HMGB1: variants seen among roughly 807,000 people sequenced by gnomAD.
HMGB1 encodes the protein high mobility group protein B1.
For missense variants in HMGB1, 79 were observed against 253.5 expected, an observed-to-expected ratio of 0.31 and a Z score of 4.67; for synonymous variants, 81 against 84.0, an observed-to-expected ratio of 0.96 and a Z score of 0.19.
At chr13:30,546,755 G>C (rs558733792) in intron 1 of HMGB1, among the ~76,000 whole-genome samples, 1 of 152,068 alleles carries the variant, frequency 6.6e-6, no homozygotes, top group Non-Finnish European at 1.5e-5. Context: ...AAAGTGCTGG[G>C]ATTACAGGCA....
In HMGB1 at chr13:30,559,940, T is replaced by C. The variant is rs1156311011; in HGVS notation, c.-15+56731A>G. 6.6e-6 allele frequency among the ~76,000 whole-genome samples: 1 copy of C among 152,194 alleles called. No homozygotes were observed. Among genetic ancestry groups the C allele is most frequent in the Non-Finnish European group, 1.5e-5 (1 of 68,040 alleles). ...AGGAAAGGTAGTACAGTGAGATGGA[T>C]GATGCCTTCACATGACTCAGATGTC... is the stretch of plus-strand genomic sequence containing the variant. On this transcript the variant is annotated intron_variant, in intron 1 of 4. Coordinates refer to the HMGB1 transcript ENST00000405805. The surrounding 1 kb of genome is among the most constrained non-coding windows in gnomAD (Gnocchi z 6.6).
chr13:30,507,027 C>CT, intron 1 of HMGB1, among the ~76,000 whole-genome samples: 1 of 152,226 alleles, frequency 6.6e-6, no homozygotes, highest in East Asian at 1.9e-4. Context: ...GATCAGGGTG[C>CT]TTGCCTCCTT....
chr13:30,495,096 C>T (rs1396956485), intron 1 of HMGB1, among the ~76,000 whole-genome samples: 2 of 152,140 alleles, frequency 1.3e-5, no homozygotes, highest in African/African-American at 4.8e-5. Flanking sequence ...TTGGGTCATC[C>T]CTAATTCATG....
chr13:30,538,451 A>ATTCTTTTTCTTTCT (rs1326538298), intron 1 of HMGB1, among the ~76,000 whole-genome samples: 4 of 90,612 alleles, frequency 4.4e-5, no homozygotes, highest in African/African-American at 1.7e-4. Context: ...AGTACTAGCA[A>ATTCTTTTTCTTTCT]TTCTTTCTTT....
rs578088614 is a variant in HMGB1, at chr13:30,599,359, T to C, written c.-15+17312A>G. On this transcript the variant is annotated intron_variant, in intron 1 of 4. Coordinates refer to the HMGB1 transcript ENST00000405805. The stretch of plus-strand genomic sequence containing the variant: ...GGCTCATGCCTGTAATCCCAGCTAC[T>C]TGGGAGACTGAGGCAGGAGAATCGC... Among the ~76,000 whole-genome samples, 6 of 152,214 alleles carry C rather than the reference T, an allele frequency of 3.9e-5. No homozygotes were observed. The South Asian group carries it at 6.2e-4, about 16-fold the overall frequency.
At chr13:30,593,087 A>G (rs1437592837) in intron 1 of HMGB1, among the ~76,000 whole-genome samples, 2 of 152,206 alleles carry the variant, frequency 1.3e-5, no homozygotes, top group African/African-American at 2.4e-5. Context: ...TTTTAATGCA[A>G]GAGAATAGGT....
chr13:30,464,165 C>T, intron 1 of HMGB1: 1 of 984,508 alleles, frequency 1.0e-6, no homozygotes, highest in Non-Finnish European at 1.2e-6. Context: ...AATCACCGTG[C>T]ACCGAAAGTT....
intron 1 of HMGB1, among the ~76,000 whole-genome samples, chr13:30,570,474 TC>T (rs1259851544): frequency 3.3e-5 from 5 of 152,256 alleles, no homozygotes; most frequent in African/African-American, 1.2e-4. Context: ...ATCTTTATGA[TC>T]GCTTAGCTTT....
At chr13:30,462,757 A>G (rs959837793) in intron 3 of HMGB1, 45 bp from the exon 4 acceptor site, 5 of 1,494,778 alleles carry the variant, frequency 3.3e-6, no homozygotes, top group Non-Finnish European at 3.7e-6. Flanking sequence ...ACAGATCACA[A>G]AAACAAATAC....
intron 1 of HMGB1, among the ~76,000 whole-genome samples, chr13:30,585,598 A>C (rs575814669): frequency 5.3e-5 from 8 of 152,060 alleles, no homozygotes; most frequent in Non-Finnish European, 1.0e-4. Context: ...GAATCGCTTG[A>C]ACCTGGGAGG....
At chr13:30,599,233 C>T (rs1347846389) in intron 1 of HMGB1, among the ~76,000 whole-genome samples, 1 of 152,178 alleles carries the variant, frequency 6.6e-6, no homozygotes, top group Non-Finnish European at 1.5e-5. Flanking sequence ...CTTTATGAGG[C>T]CAAGGTGGGC....
At chr13:30,586,519 G>A (rs928287589) in intron 1 of HMGB1, among the ~76,000 whole-genome samples, 4 of 114,694 alleles carry the variant, frequency 3.5e-5, no homozygotes, top group South Asian at 5.7e-4. Flanking sequence ...ATGGAGTTTC[G>A]CTCTGTTGCC....
intron 1 of HMGB1, chr13:30,464,734 C>T (rs1465066694): frequency 1.8e-6 from 1 of 548,770 alleles, no homozygotes; most frequent in Non-Finnish European, 2.3e-6. Context: ...CGAGGGCGAG[C>T]GCGAGCGAGA....
Position 30,462,366 on chromosome 13 carries a change from C to CA in HMGB1, c.471+171dup, listed in dbSNP as rs564206066. On this transcript the variant is annotated intron_variant, in intron 4 of 4. Transcript: ENST00000341423. ...TGTCTGAGTCTGATTACATTTTAGT[C>CA]AAAAAAACCCTAATTTATTTGGTCC... The CA allele has an allele frequency of 9.1e-4, 654 of 721,194 alleles. 4 individuals carry two copies. The highest frequency in any genetic ancestry group is 8.4e-3 in the African/African-American group (489 of 57,984). The allele number at this position is 721,194 out of a possible 1,614,324, so 44.7% of individuals were successfully genotyped here.
chr13:30,615,836 T>C (rs1164518210), intron 1 of HMGB1, among the ~76,000 whole-genome samples: 1 of 152,234 alleles, frequency 6.6e-6, no homozygotes, highest in Non-Finnish European at 1.5e-5. Flanking sequence ...ACAGAAGCAC[T>C]GAACTACTGC....
In HMGB1 at chr13:30,505,795, A is replaced by C. The variant is rs192439569; in HGVS notation, c.-14-42101T>G. Among the ~76,000 whole-genome samples, 173 of 152,294 alleles carry C rather than the reference A, an allele frequency of 1.1e-3. 2 individuals carry two copies. Among genetic ancestry groups the C allele is most frequent in the Non-Finnish European group, 2.1e-4 (14 of 68,036 alleles). On this transcript the variant is annotated intron_variant, in intron 1 of 4. Coordinates refer to the HMGB1 transcript ENST00000405805. ...TTACCTCAGTGCACACAATCACCTTAGAGCCAAGCATGCTTTTTGGATCCC... is the reference window on the plus strand; with the variant it reads ...TTACCTCAGTGCACACAATCACCTTCGAGCCAAGCATGCTTTTTGGATCCC...
chr13:30,568,195 CTG>C (rs375026404), intron 1 of HMGB1, among the ~76,000 whole-genome samples: 108 of 152,212 alleles, frequency 7.1e-4, no homozygotes, highest in East Asian at 2.7e-3. Flanking sequence ...ACCCTGGAAA[CTG>C]TGGATGTAAC....
At chr13:30,482,135 G>GGT (rs1346872209) in intron 1 of HMGB1, among the ~76,000 whole-genome samples, 1 of 152,150 alleles carries the variant, frequency 6.6e-6, no homozygotes, top group African/African-American at 2.4e-5. Context: ...TTGTCACATA[G>GGT]GTTAATATTT....
chr13:30,614,746 G>A (rs1950544275), intron 1 of HMGB1, among the ~76,000 whole-genome samples: 2 of 152,092 alleles, frequency 1.3e-5, no homozygotes, highest in South Asian at 2.1e-4. Flanking sequence ...GCTCAGGCTG[G>A]AGTGCAGTGG....
Sources: gnomAD v4.1 joint callset for allele counts (sites outside exome capture counted in the v4.1 genomes callset) on GRCh38, gnomAD v4.1.1 for gene constraint, Gnocchi (gnomAD v3.1) non-coding constraint, MANE v1.5 for transcripts, NCBI Gene and HGNC (gene_info 2026-07-23, HGNC 2026-07-21) for gene names.